ST6GALNAC6: variants seen among roughly 807,000 people sequenced by gnomAD.
The protein encoded by ST6GALNAC6 is alpha-N-acetylgalactosaminide alpha-2,6-sialyltransferase 6.
Under a neutral mutation model 34.3 loss-of-function variants are expected in ST6GALNAC6, and 19 were observed. That is an observed-to-expected ratio of 0.55 (90% CI 0.39 to 0.81). The LOEUF (loss-of-function observed/expected upper bound fraction) is 0.81, where lower values mean the gene tolerates loss of function less well. ST6GALNAC6 is among the 40% of genes least tolerant of loss of function. The pLI is 0.00. For missense variants in ST6GALNAC6, 377 were observed against 467.7 expected (o/e 0.81, Z 1.79); for synonymous variants, 185 against 182.1 (o/e 1.02, Z -0.13).
At chr9:127,897,147 AC>A in intron 2 of ST6GALNAC6, 1 of 982,844 alleles carries the variant, frequency 1.0e-6, no homozygotes, top group Non-Finnish European at 1.2e-6. Flanking sequence ...TGCTCCGCAC[AC>A]CCCAATCTCT....
intron 5 of ST6GALNAC6, among the ~76,000 whole-genome samples, chr9:127,889,746 G>T (rs1029338728): frequency 1.3e-5 from 2 of 152,110 alleles, no homozygotes; most frequent in African/African-American, 4.8e-5. Context: ...CCCAGCCACA[G>T]AAATCAATTT....
At chr9:127,897,229 C>T (rs994254866) in intron 2 of ST6GALNAC6, 1 of 985,800 alleles carries the variant, frequency 1.0e-6, no homozygotes, top group African/African-American at 1.7e-5. Context: ...TGTACTGTGT[C>T]CAGCCTACCT....
chr9:127,888,096 C>T (rs1405951185), intron 5 of ST6GALNAC6, among the ~76,000 whole-genome samples: 1 of 152,168 alleles, frequency 6.6e-6, no homozygotes, highest in Admixed American at 6.5e-5. Context: ...ATACACACTG[C>T]ATTTCTTAGG....
chr9:127,898,965 C>A (rs1273290311), intron 1 of ST6GALNAC6, among the ~76,000 whole-genome samples: 5 of 152,220 alleles, frequency 3.3e-5, no homozygotes, highest in Admixed American at 6.5e-5. Flanking sequence ...GACGTGCAGG[C>A]GAGCTGAGCG....
chr9:127,898,945 C>T (rs1830630404), intron 1 of ST6GALNAC6, among the ~76,000 whole-genome samples: 1 of 152,198 alleles, frequency 6.6e-6, no homozygotes, highest in African/African-American at 2.4e-5. Flanking sequence ...ATGGACTCAG[C>T]CCAAGGCTGG....
intron 4 of ST6GALNAC6, among the ~76,000 whole-genome samples, chr9:127,894,018 G>A (rs1294389107): frequency 1.3e-5 from 2 of 152,174 alleles, no homozygotes; most frequent in Non-Finnish European, 1.5e-5. Flanking sequence ...TTCCCTCACT[G>A]TGTGGCCTTA....
At chr9:127,904,427 GGA>G (rs1329291316), upstream of ST6GALNAC6, 2 of 152,208 alleles carry the variant, frequency 1.3e-5, no homozygotes, top group Admixed American at 6.5e-5. Context: ...TACACGGGTA[GGA>G]GAGGCCCGTG....
chr9:127,900,920 A>G (rs1020239059), upstream of ST6GALNAC6, among the ~76,000 whole-genome samples: 3 of 140,438 alleles, frequency 2.1e-5, no homozygotes, highest in Admixed American at 7.3e-5. Flanking sequence ...GGAGGCAGAG[A>G]TTGCAGTGAG....
chr9:127,902,092 T>G (rs1160591996), upstream of ST6GALNAC6, among the ~76,000 whole-genome samples: 1 of 152,204 alleles, frequency 6.6e-6, no homozygotes, highest in Admixed American at 6.5e-5. Context: ...CATATCACAA[T>G]ATTTTAAAAG....
At position 127,886,441 on chromosome 9, in the gene ST6GALNAC6, A is replaced by T; in HGVS notation, c.*158T>A. On this transcript the variant is annotated 3_prime_UTR_variant, in exon 7 of 7. Transcript: ENST00000373146. Reference sequence around the variant, plus strand: ...TCCCTGATTCGCCAACAGATTCCCCAGGCCCTGATTGGCTGGAGGATACAT... The same window carrying T: ...TCCCTGATTCGCCAACAGATTCCCCTGGCCCTGATTGGCTGGAGGATACAT... The T allele has an allele frequency of 6.9e-7, 1 of 1,444,492 alleles. No homozygotes were observed. The highest frequency in any genetic ancestry group is 9.1e-7 in the Non-Finnish European group (1 of 1,100,396). The allele number at this position is 1,444,492 out of a possible 1,614,324, so 89.5% of individuals were successfully genotyped here. A position where few individuals can be genotyped will look rare whatever the true frequency, so the allele number is the denominator to read the frequency against.
upstream of ST6GALNAC6, among the ~76,000 whole-genome samples, chr9:127,900,265 G>A (rs959267206): frequency 1.3e-5 from 2 of 152,188 alleles, no homozygotes; most frequent in African/African-American, 4.8e-5. Context: ...CTGTTAAAAT[G>A]AAGGATGCGG....
rs1488807729 is a variant in ST6GALNAC6 at position 127,885,921 on chromosome 9, A to C, written c.*678T>G. 1 of 152,306 alleles carries C rather than the reference A, an allele frequency of 6.6e-6. No individual in the cohort carries two copies. Among genetic ancestry groups the C allele is most frequent in the Non-Finnish European group, 1.5e-5 (1 of 68,182 alleles). 9.4% of individuals were successfully genotyped at this position (152,306 alleles called of 1,614,324 possible). ...AGGGATAGTGGCTGGGAGGGTCCAG[A>C]CGGGGAGGACAGACCCGAGGGCACT... On this transcript the variant is annotated 3_prime_UTR_variant, in exon 7 of 7. Transcript: ENST00000373146.
upstream of ST6GALNAC6, chr9:127,906,098 G>T: frequency 1.1e-6 from 1 of 912,198 alleles, no homozygotes; most frequent in Non-Finnish European, 1.3e-6. Context: ...CAAAAGCGGT[G>T]CTGTGAACCA....
At chr9:127,898,137 G>A in intron 1 of ST6GALNAC6, 127 bp from the exon 2 acceptor site, 1 of 645,868 alleles carries the variant, frequency 1.5e-6, no homozygotes, top group Non-Finnish European at 2.8e-6. Context: ...GCTCACGTCT[G>A]TAATCCCAGC....
chr9:127,905,929 C>A, upstream of ST6GALNAC6: 1 of 985,492 alleles, frequency 1.0e-6, no homozygotes, highest in South Asian at 4.7e-5. Flanking sequence ...TCCATCCCGC[C>A]CTTACCTCTG....
At chr9:127,906,411 C>T (rs368832423), upstream of ST6GALNAC6, among the ~76,000 whole-genome samples, 1 of 152,082 alleles carries the variant, frequency 6.6e-6, no homozygotes, top group South Asian at 2.1e-4. Flanking sequence ...TGAGTCTTCC[C>T]GTCCCCAGAT....
At chr9:127,899,736 G>A (rs1395242777), upstream of ST6GALNAC6, 54 of 882,510 alleles carry the variant, frequency 6.1e-5, no homozygotes, top group Non-Finnish European at 7.3e-5. Context: ...AAGGGGAGGC[G>A]GACCCGGGTG....
chr9:127,906,124 C>T, upstream of ST6GALNAC6: 1 of 730,446 alleles, frequency 1.4e-6, no homozygotes, highest in Non-Finnish European at 1.7e-6. Flanking sequence ...CAGGTCTCAG[C>T]CCCCTCTGTG....
intron 2 of ST6GALNAC6, chr9:127,896,825 C>G: frequency 1.0e-6 from 1 of 980,304 alleles, no homozygotes; most frequent in Non-Finnish European, 1.2e-6. Flanking sequence ...CAGGAACTCC[C>G]CTACGTCCTC....
Sources: gnomAD v4.1 joint callset for allele counts (sites outside exome capture counted in the v4.1 genomes callset) on GRCh38, gnomAD v4.1.1 for gene constraint, MANE v1.5 for transcripts, NCBI Gene and HGNC (gene_info 2026-07-23, HGNC 2026-07-21) for gene names.